NRG3: variants seen among roughly 807,000 people sequenced by gnomAD.
The protein encoded by NRG3 is neuregulin 3, also known as pro-neuregulin-3, membrane-bound isoform.
A neutral mutation model predicts 66.9 loss-of-function variants in NRG3; 31 were observed. The ratio of observed to expected loss-of-function variants is 0.46; its 90% confidence interval spans 0.35 to 0.63. The LOEUF (loss-of-function observed/expected upper bound fraction) is 0.63. NRG3 is among the 20% of genes least tolerant of loss of function. The pLI is 0.00. For missense variants in NRG3, 910 were observed against 878.9 expected (o/e 1.04, Z -0.45); for synonymous variants, 393 against 359.4 (o/e 1.09, Z -1.06).
At chr10:82,179,441 GA>G (rs1192182436) in intron 1 of NRG3, among the ~76,000 whole-genome samples, 1 of 151,862 alleles carries the variant, frequency 6.6e-6, no homozygotes, top group Non-Finnish European at 1.5e-5. Flanking sequence ...GCAATATATG[GA>G]TTCCATTTCA....
chr10:82,455,379 G>A (rs2091221128), intron 2 of NRG3, among the ~76,000 whole-genome samples: 2 of 152,110 alleles, frequency 1.3e-5, no homozygotes, highest in African/African-American at 4.8e-5. Flanking sequence ...ATAGGCAATT[G>A]TGACACAATG....
chr10:82,737,424 T>C (rs2820109), intron 2 of NRG3, among the ~76,000 whole-genome samples: 103,611 of 152,068 alleles, frequency 0.68, 35,744 homozygotes, highest in East Asian at 0.8. Flanking sequence ...AAAGCATATT[T>C]TAAGGAAAGA....
chr10:82,357,251 G>A (rs551696765), intron 1 of NRG3, among the ~76,000 whole-genome samples: 1 of 152,204 alleles, frequency 6.6e-6, no homozygotes, highest in Non-Finnish European at 1.5e-5. Flanking sequence ...GATGGCCCAT[G>A]CCCTGGTTTG....
At chr10:81,957,734 T>C (rs989407204) in intron 1 of NRG3, among the ~76,000 whole-genome samples, 1 of 152,174 alleles carries the variant, frequency 6.6e-6, no homozygotes, top group Non-Finnish European at 1.5e-5. Context: ...TCTTTGGAAA[T>C]TAAGTTAGCA....
At chr10:82,290,903 A>G (rs1213272384) in intron 1 of NRG3, among the ~76,000 whole-genome samples, 1 of 151,584 alleles carries the variant, frequency 6.6e-6, no homozygotes, top group African/African-American at 2.4e-5. Flanking sequence ...TCGGCCTACC[A>G]AAGTGCTGGG....
At chr10:82,608,301 T>A (rs926105200) in intron 2 of NRG3, among the ~76,000 whole-genome samples, 1 of 152,184 alleles carries the variant, frequency 6.6e-6, no homozygotes, top group Non-Finnish European at 1.5e-5. Context: ...TCTTTGCTTC[T>A]TTTTATGTAA....
chr10:82,274,202 G>T (rs1014700851), intron 1 of NRG3, among the ~76,000 whole-genome samples: 12 of 152,076 alleles, frequency 7.9e-5, no homozygotes, highest in South Asian at 2.1e-4. Context: ...ATCATAAAAA[G>T]AGAACACTGA....
At chr10:82,788,379 C>T (rs1565316766) in intron 3 of NRG3, among the ~76,000 whole-genome samples, 1 of 151,974 alleles carries the variant, frequency 6.6e-6, no homozygotes, top group Non-Finnish European at 1.5e-5. Flanking sequence ...AGACTAGCCT[C>T]ACCAACATGG....
chr10:82,463,979 T>A (rs955817361), intron 2 of NRG3, among the ~76,000 whole-genome samples: 11 of 152,230 alleles, frequency 7.2e-5, no homozygotes, highest in African/African-American at 2.7e-4. Flanking sequence ...AAAGTAATGA[T>A]GCTCTTTTAT....
chr10:82,282,757 C>T (rs2079194247), intron 1 of NRG3, among the ~76,000 whole-genome samples: 1 of 152,116 alleles, frequency 6.6e-6, no homozygotes, highest in African/African-American at 2.4e-5. Context: ...CCCTGAGTCG[C>T]AGTCAGTGAG....
chr10:82,940,271 C>T (rs1462351009), intron 4 of NRG3, among the ~76,000 whole-genome samples: 2 of 152,068 alleles, frequency 1.3e-5, no homozygotes, highest in Non-Finnish European at 2.9e-5. Context: ...CAGTTCTTAT[C>T]GAGGTATTAG....
intron 2 of NRG3, among the ~76,000 whole-genome samples, chr10:82,596,063 T>G (rs1367770059): frequency 1.3e-5 from 2 of 152,216 alleles, no homozygotes; most frequent in Non-Finnish European, 2.9e-5. Context: ...GGTATTCAAA[T>G]TATACTTTTA....
chr10:81,899,392 GC>G (rs1365223194), intron 1 of NRG3, among the ~76,000 whole-genome samples: 1 of 152,216 alleles, frequency 6.6e-6, no homozygotes, highest in African/African-American at 2.4e-5. Flanking sequence ...CATTATTTAT[GC>G]TGATTGAAAT....
chr10:82,496,202 G>A (rs191109194), intron 2 of NRG3, among the ~76,000 whole-genome samples: 1 of 152,286 alleles, frequency 6.6e-6, no homozygotes, highest in East Asian at 1.9e-4. Flanking sequence ...TTGTAACATG[G>A]TTGTTAGCGA....
intron 1 of NRG3, among the ~76,000 whole-genome samples, chr10:82,209,244 T>TGG (rs2075279256): frequency 6.6e-6 from 1 of 152,342 alleles, no homozygotes; most frequent in South Asian, 2.1e-4. Flanking sequence ...AGCATGCTAC[T>TGG]GGCCAACATA....
Position 82,432,167 on chromosome 10 carries a change from G to T in NRG3, c.953+73299G>T, listed in dbSNP as rs372300505. On this transcript the variant is annotated intron_variant, in intron 2 of 8. Coordinates refer to ENST00000372141, the MANE Select transcript of NRG3 (RefSeq NM_001010848.4). ...AAAGCTTCTGAATTTTTACTGTTAT[G>T]CATATGTGCAGATATTACACTGAAA... 3.9e-5 allele frequency among the ~76,000 whole-genome samples: 6 copies of T among 152,098 alleles called. No homozygotes were observed. In the East Asian group the frequency reaches 9.6e-4, roughly 24 times the overall value.
intron 4 of NRG3, among the ~76,000 whole-genome samples, chr10:82,907,512 TAAG>T (rs1844864935): frequency 1.3e-5 from 2 of 152,176 alleles, no homozygotes; most frequent in Admixed American, 6.6e-5. Flanking sequence ...TGGAGGCTAT[TAAG>T]AAGCATTAAT....
intron 1 of NRG3, among the ~76,000 whole-genome samples, chr10:82,281,759 C>T (rs554115932): frequency 1.3e-5 from 2 of 152,196 alleles, no homozygotes; most frequent in South Asian, 4.2e-4. Context: ...AGAGAGTGTG[C>T]CCTGGCAGCT....
At chr10:82,554,093 G>C (rs911076212) in intron 2 of NRG3, among the ~76,000 whole-genome samples, 18 of 152,102 alleles carry the variant, frequency 1.2e-4, no homozygotes, top group African/African-American at 4.1e-4. Flanking sequence ...AAAATGCTAT[G>C]CTTCCCAAAA....
Sources: gnomAD v4.1 joint callset for allele counts (sites outside exome capture counted in the v4.1 genomes callset) on GRCh38, gnomAD v4.1.1 for gene constraint, MANE v1.5 for transcripts, NCBI Gene and HGNC (gene_info 2026-07-23, HGNC 2026-07-21) for gene names.